Variants in SLC35F1 observed in about 807,000 individuals in gnomAD.
SLC35F1 encodes chromosome 6 open reading frame 169.
In SLC35F1, 14 loss-of-function variants were observed where a neutral mutation model predicts 48.7. The ratio of observed to expected loss-of-function variants is 0.29; its 90% CI spans 0.19 to 0.45. The LOEUF is 0.45. Among genes scored for constraint, SLC35F1 ranks in the 20% least tolerant of loss-of-function variants. SLC35F1 has a pLI of 1.00. For missense variants in SLC35F1, 404 were observed against 500.0 expected (o/e 0.81, Z 1.83); for synonymous variants, 190 against 202.2 (o/e 0.94, Z 0.51).
At chr6:118,196,071 A>G (rs933589919) in intron 2 of SLC35F1, among the ~76,000 whole-genome samples, 2 of 152,232 alleles carry the variant, frequency 1.3e-5, no homozygotes, top group Non-Finnish European at 2.9e-5. Context: ...CCTGATCAGA[A>G]CAAATTTGTA....
intron 1 of SLC35F1, among the ~76,000 whole-genome samples, chr6:117,926,009 A>C (rs1259872479): frequency 6.6e-6 from 1 of 152,144 alleles, no homozygotes; most frequent in Non-Finnish European, 1.5e-5. Flanking sequence ...GAAAGATCTC[A>C]CACAGTATAA....
chr6:118,054,527 C>T (rs1772436138), intron 1 of SLC35F1, among the ~76,000 whole-genome samples: 1 of 152,124 alleles, frequency 6.6e-6, no homozygotes, highest in Admixed American at 6.5e-5. Context: ...GGAGAAAGGA[C>T]ATCATTTTCA....
At chr6:118,178,311 G>T (rs1774522830) in intron 2 of SLC35F1, among the ~76,000 whole-genome samples, 1 of 152,008 alleles carries the variant, frequency 6.6e-6, no homozygotes, top group South Asian at 2.1e-4. Flanking sequence ...GTTTCTAGGG[G>T]CCAACCGCTT....
intron 4 of SLC35F1, among the ~76,000 whole-genome samples, chr6:118,272,258 A>C (rs111976591): frequency 0.04 from 6,065 of 152,266 alleles, 414 homozygotes; most frequent in African/African-American, 0.14. Flanking sequence ...GTTAACAAGT[A>C]ACAGACAAGG....
At chr6:117,926,078 AG>A (rs1776023593) in intron 1 of SLC35F1, among the ~76,000 whole-genome samples, 1 of 152,146 alleles carries the variant, frequency 6.6e-6, no homozygotes, top group South Asian at 2.1e-4. Flanking sequence ...AGCATATGAC[AG>A]TGATATGGTT....
intron 1 of SLC35F1, among the ~76,000 whole-genome samples, chr6:118,139,828 C>T (rs1773856307): frequency 2.6e-5 from 4 of 152,174 alleles, no homozygotes; most frequent in Admixed American, 1.3e-4. Flanking sequence ...CATCAGGCAG[C>T]ATTATTGCTG....
intron 7 of SLC35F1, among the ~76,000 whole-genome samples, chr6:118,293,412 A>T (rs1286197278): frequency 1.3e-5 from 2 of 152,140 alleles, no homozygotes; most frequent in Non-Finnish European, 2.9e-5. Flanking sequence ...TGGCATCTTC[A>T]AATCAGACTC....
Position 118,053,292 on chromosome 6 carries a change from T to A in SLC35F1, c.174-101153T>A, listed in dbSNP as rs534402972. 3.9e-5 allele frequency among the ~76,000 whole-genome samples: 6 copies of A among 152,264 alleles called. No homozygotes were observed. The South Asian group carries it at 8.3e-4, about 21-fold the overall frequency. On this transcript the variant is annotated intron_variant, in intron 1 of 7. Coordinates refer to ENST00000360388, the MANE Select transcript of SLC35F1 (RefSeq NM_001029858.4). ...GATTTAAGAAGACTAGAAATCTGGA[T>A]TATTGTCTAAAAATGAGGGTATGTG... is the stretch of plus-strand genomic sequence containing the variant.
At chr6:118,021,208 C>A (rs1284891272) in intron 1 of SLC35F1, among the ~76,000 whole-genome samples, 1 of 152,044 alleles carries the variant, frequency 6.6e-6, no homozygotes, top group Non-Finnish European at 1.5e-5. Context: ...AGACATCTTG[C>A]AACAAGCAGT....
At chr6:118,171,603 C>G (rs1309043002) in intron 2 of SLC35F1, among the ~76,000 whole-genome samples, 4 of 152,156 alleles carry the variant, frequency 2.6e-5, no homozygotes, top group African/African-American at 9.7e-5. Flanking sequence ...TCTTGGTATT[C>G]AAGAGTACCT....
chr6:118,185,295 T>C (rs926297592), intron 2 of SLC35F1, among the ~76,000 whole-genome samples: 3 of 152,224 alleles, frequency 2.0e-5, no homozygotes, highest in Non-Finnish European at 4.4e-5. Flanking sequence ...CCTTTATCTC[T>C]TCTGCAAATT....
At chr6:118,074,526 G>A (rs1299552803) in intron 1 of SLC35F1, among the ~76,000 whole-genome samples, 1 of 152,152 alleles carries the variant, frequency 6.6e-6, no homozygotes, top group East Asian at 1.9e-4. Flanking sequence ...TGATGATGCG[G>A]TTGTATGACA....
At chr6:118,168,094 A>T (rs1774345366) in intron 2 of SLC35F1, among the ~76,000 whole-genome samples, 1 of 152,150 alleles carries the variant, frequency 6.6e-6, no homozygotes, top group Non-Finnish European at 1.5e-5. Flanking sequence ...CTGACTTTGC[A>T]TTAAGAAGAG....
rs10540251 is a variant in SLC35F1, at chr6:117,987,298, CTT to C, written c.173+79408_173+79409del. ...GTCTTCTAGTTTCCTTCTTTCCCTT[CTT>C]TTTTTTTTCTTCCTTCTCCTCTTGT... On this transcript the variant is annotated intron_variant, in intron 1 of 7. Transcript: ENST00000360388. Among the ~76,000 whole-genome samples the C allele has an allele frequency of 6.5e-3, 976 of 149,766 alleles. 11 individuals carry two copies. Among genetic ancestry groups the C allele is most frequent in the African/African-American group, 0.022 (914 of 40,738 alleles).
At chr6:117,921,724 C>A (rs569345848) in intron 1 of SLC35F1, among the ~76,000 whole-genome samples, 1 of 152,262 alleles carries the variant, frequency 6.6e-6, no homozygotes, top group Admixed American at 6.5e-5. Flanking sequence ...AGCAAAGAGA[C>A]CCTAATTATT....
rs999370141 is a variant in SLC35F1, at chr6:118,210,363, G to T, written c.350-25146G>T. On this transcript the variant is annotated intron_variant, in intron 2 of 7. Transcript: ENST00000360388. The stretch of plus-strand genomic sequence containing the variant: ...TTAAGATTTTACTGCCTAATCTATG[G>T]AAAGTCTTGTTTGGAGATTGGGACT... Among the ~76,000 whole-genome samples, 5 of 152,214 alleles carry T rather than the reference G, an allele frequency of 3.3e-5. No individual in the cohort carries two copies. The East Asian group carries it at 9.7e-4, about 29-fold the overall frequency.
At chr6:118,102,005 G>A (rs1241689613) in intron 1 of SLC35F1, among the ~76,000 whole-genome samples, 1 of 152,106 alleles carries the variant, frequency 6.6e-6, no homozygotes, top group Admixed American at 6.6e-5. Context: ...AGATTGACTG[G>A]TTTTGCCTTC....
At chr6:118,031,084 A>G (rs905577937) in intron 1 of SLC35F1, among the ~76,000 whole-genome samples, 5 of 152,200 alleles carry the variant, frequency 3.3e-5, no homozygotes, top group Admixed American at 6.5e-5. Flanking sequence ...TCACACTAGA[A>G]TGATACATTT....
intron 3 of SLC35F1, among the ~76,000 whole-genome samples, chr6:118,266,204 C>A (rs1029704193): frequency 2.0e-5 from 3 of 152,128 alleles, no homozygotes; most frequent in African/African-American, 7.2e-5. Flanking sequence ...TGGCTCCTAG[C>A]ACAGGGGTCT....
Sources: allele counts gnomAD v4.1 joint callset (sites outside exome capture counted in the v4.1 genomes callset), GRCh38; gene constraint gnomAD v4.1.1; transcripts MANE v1.5; gene names NCBI Gene and HGNC (gene_info 2026-07-23, HGNC 2026-07-21).